The following NTN4 variants were observed in gnomAD, a reference collection of about 807,000 sequenced individuals.
NTN4 encodes the protein netrin-4.
In NTN4, 32 loss-of-function variants were observed where a neutral mutation model predicts 73.6. The ratio of observed to expected loss-of-function variants is 0.44; its 90% CI spans 0.33 to 0.58. The LOEUF is 0.58. Ranked by LOEUF, NTN4 falls within the 20% of genes least tolerant of loss-of-function variation. The probability of loss-of-function intolerance (pLI) is 0.04; values close to 1 mark genes in which losing one functional copy is unlikely to be tolerated. For synonymous variants in NTN4, 258 were observed against 287.5 expected (o/e 0.90, Z 1.04); for missense variants, 654 against 798.3 (o/e 0.82, Z 2.18).
chr12:95,790,042 T>G lies in NTN4; in HGVS notation c.55+213A>C, dbSNP rs1379854874. Reference sequence around the variant, plus strand: ...AGGGCGCACCCAGGATAGCTGGTTATCCAAGCGCATGTGTATCCCAGTTGT... The same window carrying G: ...AGGGCGCACCCAGGATAGCTGGTTAGCCAAGCGCATGTGTATCCCAGTTGT... On this transcript the variant is annotated intron_variant, in intron 1 of 9. Coordinates refer to ENST00000343702, the MANE Select transcript of NTN4 (RefSeq NM_021229.4). This position sits in a 1 kb window ranked among gnomAD's most constrained non-coding sequence, Gnocchi z 6.5. 12 of 448,872 alleles carry G rather than the reference T, an allele frequency of 2.7e-5. No homozygotes were observed. Among genetic ancestry groups the G allele is most frequent in the Non-Finnish European group, 4.0e-5 (10 of 249,964 alleles). 27.8% of individuals were successfully genotyped at this position (448,872 alleles called of 1,614,324 possible).
intron 3 of NTN4, among the ~76,000 whole-genome samples, chr12:95,720,120 T>C (rs546493167): frequency 1.3e-5 from 2 of 152,224 alleles, no homozygotes; most frequent in Non-Finnish European, 2.9e-5. Context: ...AGCTCTAGAA[T>C]GATGTTTTAG....
chr12:95,790,798 C>G (rs2079204201), upstream of NTN4: 2 of 151,392 alleles, frequency 1.3e-5, no homozygotes, highest in Non-Finnish European at 2.9e-5. This position sits in a 1 kb window ranked among gnomAD's most constrained non-coding sequence, Gnocchi z 6.5. Flanking sequence ...TTTTATTGCA[C>G]CGACGCCGCG....
intron 5 of NTN4, among the ~76,000 whole-genome samples, chr12:95,700,553 G>A (rs1380676881): frequency 6.6e-6 from 1 of 152,062 alleles, no homozygotes; most frequent in Non-Finnish European, 1.5e-5. Context: ...TGAAAGTGGA[G>A]GCAAGACCTT....
At chr12:95,683,096 G>T (rs943852472) in intron 6 of NTN4, among the ~76,000 whole-genome samples, 5 of 152,096 alleles carry the variant, frequency 3.3e-5, no homozygotes, top group Admixed American at 1.3e-4. Context: ...TTTTACTCTT[G>T]TTGCCCAGGC....
At chr12:95,688,882 CATCA>C (rs1302474818) in intron 5 of NTN4, among the ~76,000 whole-genome samples, 1 of 151,356 alleles carries the variant, frequency 6.6e-6, no homozygotes, top group Non-Finnish European at 1.5e-5. Context: ...CCAGCAACAC[CATCA>C]ATCAGGAGGT....
At chr12:95,724,663 G>C (rs1000731847) in intron 3 of NTN4, among the ~76,000 whole-genome samples, 7 of 152,110 alleles carry the variant, frequency 4.6e-5, no homozygotes, top group African/African-American at 1.2e-4. Context: ...AAAAATACTA[G>C]ATTTTTGCTG....
At chr12:95,693,376 C>T (rs1205060342) in intron 5 of NTN4, among the ~76,000 whole-genome samples, 1 of 151,866 alleles carries the variant, frequency 6.6e-6, no homozygotes, top group Non-Finnish European at 1.5e-5. Flanking sequence ...TTCTTGACTA[C>T]TCTAAGTTCT....
chr12:95,696,859 T>C (rs2078446106), intron 5 of NTN4, among the ~76,000 whole-genome samples: 2 of 152,188 alleles, frequency 1.3e-5, no homozygotes, highest in South Asian at 4.1e-4. Flanking sequence ...AGTCCAGCTT[T>C]ATTATTTATT....
At chr12:95,790,933 G>GT (rs1431573033), upstream of NTN4, among the ~76,000 whole-genome samples, 4 of 147,152 alleles carry the variant, frequency 2.7e-5, no homozygotes, top group Non-Finnish European at 6.1e-5. The surrounding 1 kb of genome is among the most constrained non-coding windows in gnomAD (Gnocchi z 6.5). Flanking sequence ...CCGCCCGGGG[G>GT]GGGGGTCCCC....
At chr12:95,704,089 T>A (rs1435551227) in intron 5 of NTN4, among the ~76,000 whole-genome samples, 1 of 152,078 alleles carries the variant, frequency 6.6e-6, no homozygotes, top group Non-Finnish European at 1.5e-5. Flanking sequence ...CCATCATGCC[T>A]GGCTACTCTG....
Position 95,737,984 on chromosome 12 carries a change from G to A in NTN4, c.746C>T (p.Thr249Ile), listed in dbSNP as rs779925306. ...AATGAAATCATAGATTGCATAGTGT[G>A]TAAAATGTTGAGGCTCTTCGTTCAG... ...NDLNEEPQHF[T>I]HYAIYDFIVK... Residue 249 changes from threonine (T) to isoleucine (I), a missense_variant, in exon 3 of 10, where the codon ACA becomes ATA. Transcript: ENST00000343702. The A allele has an allele frequency of 6.2e-7, 1 of 1,614,122 alleles. No homozygotes were observed. Among genetic ancestry groups the A allele is most frequent in the Admixed American group, 1.7e-5 (1 of 60,010 alleles).
intron 3 of NTN4, among the ~76,000 whole-genome samples, chr12:95,732,890 G>A (rs1592692223): frequency 6.6e-6 from 1 of 152,156 alleles, no homozygotes; most frequent in Non-Finnish European, 1.5e-5. Context: ...TTCATAATGA[G>A]ACTATATGAA....
intron 1 of NTN4, 76 bp from the exon 2 acceptor site, chr12:95,787,544 ACAGT>A: frequency 1.4e-6 from 2 of 1,430,470 alleles, no homozygotes; most frequent in East Asian, 4.6e-5. Flanking sequence ...TCCATCAACA[ACAGT>A]CAAGGATCTC....
intron 2 of NTN4, among the ~76,000 whole-genome samples, chr12:95,769,948 G>T (rs1193555192): frequency 6.6e-5 from 10 of 152,016 alleles, no homozygotes; most frequent in African/African-American, 2.4e-4. Flanking sequence ...GTAGAGGCGG[G>T]GTTTCAGCAC....
intron 8 of NTN4, among the ~76,000 whole-genome samples, chr12:95,669,094 G>A (rs2078205744): frequency 6.6e-6 from 1 of 152,068 alleles, no homozygotes; most frequent in Non-Finnish European, 1.5e-5. Flanking sequence ...TGTAATCCCA[G>A]CTATTCAGGT....
chr12:95,772,586 G>A (rs533607581), intron 2 of NTN4, among the ~76,000 whole-genome samples: 3 of 152,258 alleles, frequency 2.0e-5, no homozygotes, highest in East Asian at 1.9e-4. Flanking sequence ...CATACTTAAC[G>A]TGTCTGAAAA....
At chr12:95,774,169 TTC>T (rs1431853093) in intron 2 of NTN4, among the ~76,000 whole-genome samples, 5 of 105,828 alleles carry the variant, frequency 4.7e-5, no homozygotes, top group African/African-American at 2.2e-4. Flanking sequence ...GTTTTAGTTT[TTC>T]TCTCTTTTTT....
chr12:95,738,826 G>T (rs1159687609), intron 2 of NTN4, among the ~76,000 whole-genome samples: 3 of 152,210 alleles, frequency 2.0e-5, no homozygotes, highest in Non-Finnish European at 4.4e-5. Context: ...CTGTGGGGGA[G>T]AGGGTAATAA....
intron 2 of NTN4, among the ~76,000 whole-genome samples, chr12:95,757,354 A>G (rs1592707370): frequency 6.6e-6 from 1 of 152,244 alleles, no homozygotes; most frequent in East Asian, 1.9e-4. Context: ...AGTAAGTGGC[A>G]GAGCCAGTAC....
Sources: allele counts gnomAD v4.1 joint callset (sites outside exome capture counted in the v4.1 genomes callset), GRCh38; gene constraint gnomAD v4.1.1; non-coding constraint Gnocchi (gnomAD v3.1); transcripts MANE v1.5; gene names NCBI Gene and HGNC (gene_info 2026-07-23, HGNC 2026-07-21).